The following ESCO1 variants were observed in gnomAD, a reference collection of about 807,000 sequenced individuals.
ESCO1 encodes the protein establishment of sister chromatid cohesion N-acetyltransferase 1.
Under a neutral mutation model 83.5 loss-of-function variants are expected in ESCO1, and 33 were observed. The observed-to-expected ratio is 0.40, with a 90% CI of 0.30 to 0.53. The LOEUF (loss-of-function observed/expected upper bound fraction) is 0.53. ESCO1 is among the 20% of genes least tolerant of loss of function. The pLI is 0.63. For synonymous variants in ESCO1, 332 were observed against 324.3 expected (o/e 1.02, Z -0.25); for missense variants, 855 against 968.0 (o/e 0.88, Z 1.55).
chr18:21,536,143 G>A lies in ESCO1; in HGVS notation c.2086C>T (p.Gln696Ter). ...GAATAGCACATTAGTGGAGCCTGTT[G>A]AAAACCTAAATCATTGTCAACCATC... ...REMVDNDLGF[Q>*]QAPLMCYSRT... is the part of the protein sequence containing the mutation. The change falls in exon 10 of 12, where the codon CAA (glutamine) becomes TAA (stop). Residue 696 changes from glutamine (Q) to a stop codon, truncating the protein, a stop_gained. Transcript: ENST00000269214. LOFTEE classifies it high-confidence loss of function. 6.2e-7 allele frequency: 1 copy of A among 1,613,932 alleles called. No homozygotes were observed. Among genetic ancestry groups the A allele is most frequent in the Non-Finnish European group, 8.5e-7 (1 of 1,179,912 alleles).
chr18:21,533,359 G>A (rs546408999), intron 10 of ESCO1, among the ~76,000 whole-genome samples: 10 of 152,054 alleles, frequency 6.6e-5, no homozygotes, highest in African/African-American at 2.4e-4. Flanking sequence ...ACAGTGGTGC[G>A]ATCTCGGCTC....
rs115908530 is a variant in ESCO1, at chr18:21,539,217, T to C, written c.2043+703A>G. 2.6e-3 allele frequency among the ~76,000 whole-genome samples: 394 copies of C among 152,326 alleles called. 1 individual carries two copies. Among genetic ancestry groups the C allele is most frequent in the African/African-American group, 9.3e-3 (387 of 41,584 alleles). The stretch of plus-strand genomic sequence containing the variant: ...TCCCCTTCTGCAATAAGCTTTTATT[T>C]AGAAATTTTCCCTTAGAATGAAACT... On this transcript the variant is annotated intron_variant, in intron 9 of 11. Coordinates refer to ENST00000269214, the MANE Select transcript of ESCO1 (RefSeq NM_052911.3).
chr18:21,577,745 G>C (rs1289533514), intron 2 of ESCO1, among the ~76,000 whole-genome samples: 2 of 151,632 alleles, frequency 1.3e-5, no homozygotes, highest in Non-Finnish European at 2.9e-5. Context: ...TAAATCTCTA[G>C]AAGGAGTGAA....
chr18:21,566,635 C>T (rs1321536213), intron 5 of ESCO1, among the ~76,000 whole-genome samples: 4 of 152,082 alleles, frequency 2.6e-5, no homozygotes, highest in Non-Finnish European at 5.9e-5. Context: ...GCAAGGCAGG[C>T]GGATCACCTG....
At position 21,599,061 on chromosome 18, in the gene ESCO1, A is replaced by G. The variant is rs2038803746; in HGVS notation, c.-825+1562T>C. 4.0e-5 allele frequency among the ~76,000 whole-genome samples: 6 copies of G among 151,890 alleles called. No homozygotes were observed. The South Asian group carries it at 1.2e-3, about 32-fold the overall frequency. On this transcript the variant is annotated intron_variant, in intron 1 of 11. Transcript: ENST00000269214. ...GCTTTTCAAAAAAAAAAAAAAATTC[A>G]CCAGGCACAGTGGCTCAGGCCTGTA...
intron 8 of ESCO1, among the ~76,000 whole-genome samples, chr18:21,550,321 C>T (rs2038029699): frequency 6.6e-6 from 1 of 152,120 alleles, no homozygotes; most frequent in African/African-American, 2.4e-5. Context: ...TCCAATTTTC[C>T]CAATTACGTT....
At chr18:21,599,491 T>A (rs57066389) in intron 1 of ESCO1, among the ~76,000 whole-genome samples, 3 of 152,192 alleles carry the variant, frequency 2.0e-5, no homozygotes, top group Non-Finnish European at 4.4e-5. Context: ...TCCACTTTTT[T>A]AAAAAAGCCA....
chr18:21,534,342 T>TA (rs1217335478), intron 10 of ESCO1, among the ~76,000 whole-genome samples: 1 of 152,206 alleles, frequency 6.6e-6, no homozygotes, highest in African/African-American at 2.4e-5. Context: ...AATGAGTTAA[T>TA]ATGCTAAAAG....
intron 8 of ESCO1, among the ~76,000 whole-genome samples, chr18:21,541,774 A>G (rs2146175721): frequency 6.6e-6 from 1 of 152,210 alleles, no homozygotes; most frequent in African/African-American, 2.4e-5. Flanking sequence ...ATGAAAAGAG[A>G]TTTTCACTTT....
chr18:21,563,873 A>C (rs1299962742), intron 7 of ESCO1, among the ~76,000 whole-genome samples: 1 of 151,946 alleles, frequency 6.6e-6, no homozygotes, highest in Admixed American at 6.6e-5. Context: ...ATCCCGCACA[A>C]ATAGGTTAAT....
chr18:21,588,663 T>C (rs2038617120), intron 1 of ESCO1, among the ~76,000 whole-genome samples: 1 of 150,904 alleles, frequency 6.6e-6, no homozygotes, highest in African/African-American at 2.4e-5. Context: ...ACGCCTGTAA[T>C]ACTAACACTA....
chr18:21,555,564 AG>A (rs2038102395), intron 8 of ESCO1, among the ~76,000 whole-genome samples: 1 of 152,188 alleles, frequency 6.6e-6, no homozygotes, highest in South Asian at 2.1e-4. Flanking sequence ...GATCTAAAAC[AG>A]GTCTAGGCCA....
chr18:21,555,881 G>C (rs2038106044), intron 8 of ESCO1, among the ~76,000 whole-genome samples: 1 of 152,112 alleles, frequency 6.6e-6, no homozygotes, highest in Non-Finnish European at 1.5e-5. Flanking sequence ...GAAAGATTGA[G>C]CCCAGGAGTT....
chr18:21,566,357 T>G, intron 5 of ESCO1, 151 bp from the exon 6 acceptor site: 2 of 672,426 alleles, frequency 3.0e-6, no homozygotes, highest in Non-Finnish European at 4.9e-6. Context: ...TAGAACCTTC[T>G]TCCTAGATAC....
intron 2 of ESCO1, among the ~76,000 whole-genome samples, chr18:21,581,097 G>A (rs2038496569): frequency 6.6e-6 from 1 of 152,124 alleles, no homozygotes; most frequent in Non-Finnish European, 1.5e-5. Flanking sequence ...TCATCACGAG[G>A]TCAGGAGATA....
At position 21,530,344 on chromosome 18, in the gene ESCO1, T is replaced by C. The variant is rs768273200; in HGVS notation, c.2522A>G (p.Ter841=). 1.3e-6 allele frequency: 2 copies of C among 1,580,910 alleles called. No individual in the cohort carries two copies. Among genetic ancestry groups the C allele is most frequent in the Non-Finnish European group, 1.7e-6 (2 of 1,166,024 alleles). The change falls in exon 12 of 12, where the codon TAA becomes TGA. Residue 841 remains the stop codon, a stop_retained_variant. Transcript: ENST00000269214. ...YNFINGQNST[*] ...TAGTGGTGTAGGCAAGAATTTGTTT[T>C]ACGTGCTATTCTGTCCATTAATAAA... is the stretch of plus-strand genomic sequence containing the variant.
chr18:21,586,911 C>T (rs1435081151), intron 1 of ESCO1, among the ~76,000 whole-genome samples: 3 of 152,062 alleles, frequency 2.0e-5, no homozygotes, highest in African/African-American at 7.2e-5. Context: ...TTCACAGATG[C>T]CCTTCTATTT....
intron 8 of ESCO1, among the ~76,000 whole-genome samples, chr18:21,550,838 C>A (rs538247583): frequency 1.3e-5 from 2 of 152,170 alleles, no homozygotes; most frequent in East Asian, 1.9e-4. Flanking sequence ...GTTGGCCGGG[C>A]GTGGTGGCTC....
At chr18:21,595,888 C>T (rs1229158211) in intron 1 of ESCO1, among the ~76,000 whole-genome samples, 1 of 151,718 alleles carries the variant, frequency 6.6e-6, no homozygotes, top group Non-Finnish European at 1.5e-5. Flanking sequence ...GGCATGAACC[C>T]AGGAGGCGGA....
Sources: allele counts gnomAD v4.1 joint callset (sites outside exome capture counted in the v4.1 genomes callset), GRCh38; gene constraint gnomAD v4.1.1; transcripts MANE v1.5; gene names NCBI Gene and HGNC (gene_info 2026-07-23, HGNC 2026-07-21).